RBM20: variants seen among roughly 807,000 people sequenced by gnomAD.
RBM20 encodes RNA-binding protein 20.
A neutral mutation model predicts 110.1 loss-of-function variants in RBM20; 51 were observed. The observed-to-expected ratio is 0.46, with a 90% CI of 0.37 to 0.59. The LOEUF is 0.59. RBM20 is among the 20% of genes least tolerant of loss of function. RBM20 has a pLI of 0.00. For synonymous variants in RBM20, 589 were observed against 618.2 expected (o/e 0.95, Z 0.70); for missense variants, 1,512 against 1,574.9 (o/e 0.96, Z 0.68).
At chr10:110,710,352 G>C (rs572796864) in intron 1 of RBM20, among the ~76,000 whole-genome samples, 2 of 152,212 alleles carry the variant, frequency 1.3e-5, no homozygotes, top group Admixed American at 6.5e-5. Flanking sequence ...AGCATATACT[G>C]TGTGCTCGCA....
chr10:110,787,944 G>A (rs1590679632), intron 5 of RBM20, among the ~76,000 whole-genome samples: 2 of 152,136 alleles, frequency 1.3e-5, no homozygotes, highest in African/African-American at 2.4e-5. Context: ...TAGCATTTTT[G>A]TTTTGTATTA....
intron 1 of RBM20, among the ~76,000 whole-genome samples, chr10:110,658,315 C>T (rs1319643856): frequency 6.6e-6 from 1 of 152,202 alleles, no homozygotes; most frequent in Non-Finnish European, 1.5e-5. Context: ...CATGATGCAA[C>T]AGTGCTGGGG....
chr10:110,822,004 G>A, intron 11 of RBM20, 69 bp downstream of exon 11: 3 of 1,410,014 alleles, frequency 2.1e-6, no homozygotes, highest in Non-Finnish European at 2.9e-6. Flanking sequence ...TAAAGTATGA[G>A]CATGTGCAGG....
rs568062182 is a variant in RBM20, at chr10:110,713,218, A to G, written c.192-67583A>G. Among the ~76,000 whole-genome samples, 8 of 152,372 alleles carry G rather than the reference A, an allele frequency of 5.3e-5. No homozygotes were observed. The South Asian group carries it at 1.4e-3, about 28-fold the overall frequency. ...AAATATATGGAAAGAAACCTGGCCA[A>G]AGAGCCATCACTAGGATTCCAGGTC... On this transcript the variant is annotated intron_variant, in intron 1 of 13. Coordinates refer to ENST00000369519, the MANE Select transcript of RBM20 (RefSeq NM_001134363.3).
At chr10:110,759,117 G>A (rs77119184) in intron 1 of RBM20, among the ~76,000 whole-genome samples, 20,703 of 152,232 alleles carry the variant, frequency 0.14, 1,809 homozygotes, top group Middle Eastern at 0.21. Flanking sequence ...GCTAATGGCT[G>A]TGGCCAGCCT....
At chr10:110,835,799 GCTCCT>G in intron 13 of RBM20, 64 bp from the exon 14 acceptor site, 1 of 1,456,864 alleles carries the variant, frequency 6.9e-7, no homozygotes, top group South Asian at 1.2e-5. Flanking sequence ...AGGCATGTCC[GCTCCT>G]CTCCTCTCCA....
At chr10:110,681,585 C>A (rs1862422918) in intron 1 of RBM20, among the ~76,000 whole-genome samples, 1 of 152,220 alleles carries the variant, frequency 6.6e-6, no homozygotes, top group African/African-American at 2.4e-5. Context: ...CTAGAAATGG[C>A]AGCTGCTGCT....
intron 1 of RBM20, among the ~76,000 whole-genome samples, chr10:110,712,307 A>G (rs1461049625): frequency 6.6e-6 from 1 of 152,236 alleles, no homozygotes; most frequent in Admixed American, 6.5e-5. Context: ...GTGGTTGTGT[A>G]TAGCAGTAGC....
In RBM20 at chr10:110,821,583, C is replaced by T; in HGVS notation, c.2964C>T (p.Ser988=). The T allele has an allele frequency of 1.9e-6, 3 of 1,550,790 alleles. No homozygotes were observed. The highest frequency in any genetic ancestry group is 2.6e-6 in the Non-Finnish European group (3 of 1,146,014). The part of the protein sequence containing the change: ...LKSPRELPSA[S]TSCPSDMDVE... Reference sequence around the variant, plus strand: ...CACCCAGAGAACTGCCCTCTGCTTCCACAAGCTGTCCCAGTGACATGGACG... The same window carrying T: ...CACCCAGAGAACTGCCCTCTGCTTCTACAAGCTGTCCCAGTGACATGGACG... The change falls in exon 11 of 14, where the codon TCC becomes TCT. Residue 988 remains serine (S), a synonymous_variant. Transcript: ENST00000369519.
chr10:110,767,650 G>A (rs577432427), intron 1 of RBM20, among the ~76,000 whole-genome samples: 2 of 151,506 alleles, frequency 1.3e-5, no homozygotes, highest in African/African-American at 4.9e-5. Context: ...CCTCCCAGAC[G>A]GGGTCACGGC....
chr10:110,829,522 C>T (rs945170133), intron 12 of RBM20, among the ~76,000 whole-genome samples: 3 of 152,234 alleles, frequency 2.0e-5, no homozygotes, highest in Non-Finnish European at 2.9e-5. Context: ...CACAGCCCCA[C>T]TGTCAGTCCA....
At position 110,781,769 on chromosome 10, in the gene RBM20, C is replaced by T. The variant is rs919432113; in HGVS notation, c.1160C>T (p.Ala387Val). The change falls in exon 2 of 14, where the codon GCG becomes GTG. Residue 387 changes from alanine to valine, a missense_variant. Transcript: ENST00000369519. The part of the protein sequence containing the change: ...GAGRRAKEDQ[A>V]LLSVRPLQAH... ...GGGCGGAGGGCCAAGGAGGACCAGG[C>T]GTTGCTATCTGTGCGGCCCCTGCAG... The T allele has an allele frequency of 5.0e-5, 78 of 1,551,710 alleles. No individual in the cohort carries two copies. The highest frequency in any genetic ancestry group is 1.9e-4 in the South Asian group (16 of 84,072).
chr10:110,689,643 A>C (rs1862556875), intron 1 of RBM20, among the ~76,000 whole-genome samples: 1 of 151,848 alleles, frequency 6.6e-6, no homozygotes, highest in African/African-American at 2.4e-5. Flanking sequence ...AAATCTAGGG[A>C]GTTTGTTTGT....
rs1004708191 is a variant in RBM20 at position 110,831,026 on chromosome 10, C to G, written c.3452-35C>G. 7.8e-6 allele frequency: 12 copies of G among 1,537,622 alleles called. No homozygotes were observed. In the Admixed American group the frequency reaches 2.4e-4, roughly 30 times the overall value. On this transcript the variant is annotated intron_variant, in intron 12 of 13. Coordinates refer to ENST00000369519, the MANE Select transcript of RBM20 (RefSeq NM_001134363.3). ...ACAGGGGCCTGCCTCCCATGCCATC[C>G]TAACCCTGCGTGTCTATCCCCCATC...
intron 1 of RBM20, among the ~76,000 whole-genome samples, chr10:110,680,539 T>C (rs1862407907): frequency 6.6e-6 from 1 of 152,182 alleles, no homozygotes. Flanking sequence ...GGCCTCGGGC[T>C]GCTGGGTTGT....
At chr10:110,718,663 A>G (rs1192565972) in intron 1 of RBM20, among the ~76,000 whole-genome samples, 34 of 137,988 alleles carry the variant, frequency 2.5e-4, no homozygotes, top group Admixed American at 8.6e-4. Context: ...CCAGGCTGGA[A>G]TGTAGTGGTG....
intron 1 of RBM20, among the ~76,000 whole-genome samples, chr10:110,662,226 T>A (rs1341713546): frequency 1.3e-5 from 2 of 152,124 alleles, no homozygotes; most frequent in Non-Finnish European, 2.9e-5. Context: ...AAGCTCTCCT[T>A]CCCCAGTAAA....
intron 5 of RBM20, among the ~76,000 whole-genome samples, chr10:110,792,197 A>G (rs1397548892): frequency 6.6e-6 from 1 of 151,410 alleles, no homozygotes. Flanking sequence ...CTATGTATCC[A>G]TCATTTGATC....
chr10:110,779,613 G>A (rs925478768), intron 1 of RBM20, among the ~76,000 whole-genome samples: 9 of 152,210 alleles, frequency 5.9e-5, no homozygotes, highest in Non-Finnish European at 1.3e-4. Flanking sequence ...CCAAAGTGGG[G>A]GGACAGTCTT....
Sources: allele counts gnomAD v4.1 joint callset (sites outside exome capture counted in the v4.1 genomes callset), GRCh38; gene constraint gnomAD v4.1.1; transcripts MANE v1.5; gene names NCBI Gene and HGNC (gene_info 2026-07-23, HGNC 2026-07-21).